The following ARHGAP42 variants were observed in gnomAD, a reference collection of about 807,000 sequenced individuals.
ARHGAP42 encodes Rho GTPase activating protein 42, also known as rho GTPase-activating protein 42.
ARHGAP42 carries 63 observed loss-of-function variants against 125.0 expected under a neutral mutation model. The observed-to-expected ratio is 0.50, with a 90% CI of 0.41 to 0.62. ARHGAP42 has a LOEUF of 0.62. Among genes scored for constraint, ARHGAP42 ranks in the 20% least tolerant of loss-of-function variants. ARHGAP42 has a pLI of 0.00. For missense variants in ARHGAP42, 766 were observed against 1,024.2 expected (o/e 0.75, Z 3.44); for synonymous variants, 339 against 351.0 (o/e 0.97, Z 0.38).
At chr11:100,978,893 T>C (rs1319627556) in intron 21 of ARHGAP42, 94 bp from the exon 22 acceptor site, 2 of 1,304,358 alleles carry the variant, frequency 1.5e-6, no homozygotes, top group African/African-American at 3.0e-5. Context: ...CTCAACCATT[T>C]TTTGTCTTGT....
chr11:100,810,854 C>T (rs753276187), intron 3 of ARHGAP42, among the ~76,000 whole-genome samples: 10 of 152,072 alleles, frequency 6.6e-5, no homozygotes, highest in Non-Finnish European at 1.2e-4. Flanking sequence ...CTCCTTGAGA[C>T]TTTGTTTTCT....
In ARHGAP42 at chr11:100,768,995, C is replaced by T. The variant is rs990253898; in HGVS notation, c.155-1348C>T. 3.9e-5 allele frequency among the ~76,000 whole-genome samples: 6 copies of T among 152,158 alleles called. 1 individual carries two copies. The highest frequency in any genetic ancestry group is 2.0e-4 in the Admixed American group (3 of 15,266). ...CAAGCCTAGATGGTATAGCCTACTA[C>T]ACACCTTGTCTGTATGGTCAAGTAG... On this transcript the variant is annotated intron_variant, in intron 1 of 23. Transcript: ENST00000298815.
At chr11:100,825,927 T>A (rs1458751229) in intron 3 of ARHGAP42, among the ~76,000 whole-genome samples, 4 of 152,194 alleles carry the variant, frequency 2.6e-5, no homozygotes, top group Non-Finnish European at 5.9e-5. Flanking sequence ...AGGAAAACCA[T>A]GCAGTGGCTG....
intron 4 of ARHGAP42, among the ~76,000 whole-genome samples, chr11:100,900,812 AC>A (rs1434821306): frequency 6.6e-6 from 1 of 151,320 alleles, no homozygotes; most frequent in Non-Finnish European, 1.5e-5. Context: ...CATTTGTCTA[AC>A]CCTTTTTCAA....
Position 100,976,186 on chromosome 11 carries a change from T to A in ARHGAP42, c.1985T>A (p.Ile662Asn), listed in dbSNP as rs1343807485. 1.9e-6 allele frequency: 3 copies of A among 1,551,528 alleles called. No individual in the cohort carries two copies. The highest frequency in any genetic ancestry group is 1.4e-5 in the African/African-American group (1 of 73,000). Residue 662 changes from isoleucine to asparagine, a missense_variant, in exon 20 of 24, where the codon ATT (isoleucine) becomes AAT (asparagine). Transcript: ENST00000298815. The stretch of plus-strand genomic sequence containing the variant: ...CAGCCCAGGGAGAAATCTGGAGGGA[T>A]TCCTTGGATTGCAACCCCATCATCT... ...SCQPREKSGG[I>N]PWIATPSSSN... is the part of the protein sequence containing the mutation.
intron 19 of ARHGAP42, 111 bp from the exon 20 acceptor site, chr11:100,975,946 G>A (rs776828477): frequency 8.9e-6 from 11 of 1,238,584 alleles, no homozygotes; most frequent in Non-Finnish European, 1.2e-5. Context: ...ACTTTAATGG[G>A]GTCAGGTGGC....
chr11:100,934,316 A>G (rs1002022270), intron 7 of ARHGAP42, among the ~76,000 whole-genome samples: 1 of 152,144 alleles, frequency 6.6e-6, no homozygotes. Flanking sequence ...GTGTTCACGC[A>G]TGTGTGTGAG....
In ARHGAP42 at chr11:100,744,538, C is replaced by CTGTG. The variant is rs34640167; in HGVS notation, c.155-25782_155-25779dup. On this transcript the variant is annotated intron_variant, in intron 1 of 23. Coordinates refer to ENST00000298815, the MANE Select transcript of ARHGAP42 (RefSeq NM_152432.4). ...TCTTGAATTTGTTTTATATTTTACT[C>CTGTG]TGTGTGTGTGTGTGTGTGTGTGTGT... Among the ~76,000 whole-genome samples the CTGTG allele has an allele frequency of 8.6e-3, 1,281 of 148,618 alleles. 19 individuals are homozygous for CTGTG. The highest frequency in any genetic ancestry group is 0.029 in the African/African-American group (1,170 of 40,418).
intron 1 of ARHGAP42, among the ~76,000 whole-genome samples, chr11:100,721,326 T>C (rs1380931921): frequency 6.6e-6 from 1 of 152,198 alleles, no homozygotes; most frequent in African/African-American, 2.4e-5. Context: ...TTAAACTGCT[T>C]CTATCGTTTT....
At chr11:100,700,786 A>G (rs1158886779) in intron 1 of ARHGAP42, among the ~76,000 whole-genome samples, 1 of 152,208 alleles carries the variant, frequency 6.6e-6, no homozygotes, top group African/African-American at 2.4e-5. Context: ...CCTTCAAGTC[A>G]TATATAAGGG....
chr11:100,980,559 C>CTTCTTTTTTTTTTTTTTTTTTTTTTTTT lies in ARHGAP42; in HGVS notation c.2456+1512_2456+1513insCTTTTTTTTTTTTTTTTTTTTTTTTTTT. Among the ~76,000 whole-genome samples, 59 of 51,950 alleles carry CTTCTTTTTTTTTTTTTTTTTTTTTTTTT rather than the reference C, an allele frequency of 1.1e-3. 12 individuals are homozygous for CTTCTTTTTTTTTTTTTTTTTTTTTTTTT. Among genetic ancestry groups the CTTCTTTTTTTTTTTTTTTTTTTTTTTTT allele is most frequent in the Non-Finnish European group, 1.6e-3 (41 of 26,022 alleles). 34.1% of individuals were successfully genotyped at this position (51,950 alleles called of 152,430 possible). A position where few individuals can be genotyped will look rare whatever the true frequency, so the allele number is the denominator to read the frequency against. ...TCAAATCATACTTCTTTTTCTTCTT[C>CTTCTTTTTTTTTTTTTTTTTTTTTTTTT]TTTTTTTTTTTTTTTTTTTTTTTTT... On this transcript the variant is annotated intron_variant, in intron 22 of 23. Transcript: ENST00000298815.
intron 3 of ARHGAP42, among the ~76,000 whole-genome samples, chr11:100,804,333 A>G (rs1426281471): frequency 6.6e-6 from 1 of 152,058 alleles, no homozygotes; most frequent in Non-Finnish European, 1.5e-5. Flanking sequence ...CCTGAAATGA[A>G]CTAGCTGTCT....
intron 4 of ARHGAP42, among the ~76,000 whole-genome samples, chr11:100,867,872 G>A (rs1047455387): frequency 3.3e-5 from 5 of 152,110 alleles, no homozygotes; most frequent in Admixed American, 6.6e-5. Context: ...GCCATTGTAC[G>A]GTTACTAATT....
At chr11:100,921,938 A>C (rs2135245034) in intron 6 of ARHGAP42, among the ~76,000 whole-genome samples, 1 of 151,348 alleles carries the variant, frequency 6.6e-6, no homozygotes, top group East Asian at 1.9e-4. Flanking sequence ...GTACCACAGA[A>C]ATGCAAGATG....
At chr11:100,766,824 A>G (rs901042123) in intron 1 of ARHGAP42, among the ~76,000 whole-genome samples, 2 of 152,206 alleles carry the variant, frequency 1.3e-5, no homozygotes, top group African/African-American at 4.8e-5. Flanking sequence ...GAAGTTGAAA[A>G]TGTGTCATAT....
At chr11:100,901,509 T>G (rs1351398289) in intron 4 of ARHGAP42, among the ~76,000 whole-genome samples, 1 of 152,226 alleles carries the variant, frequency 6.6e-6, no homozygotes, top group East Asian at 1.9e-4. Context: ...AGCTATGCCC[T>G]GCCCATAGAT....
chr11:100,839,206 G>A (rs1350914912), intron 3 of ARHGAP42, among the ~76,000 whole-genome samples: 1 of 152,092 alleles, frequency 6.6e-6, no homozygotes. Context: ...AATGATATTT[G>A]TGTTCCTAAG....
At chr11:100,981,652 A>G (rs1858549141) in intron 22 of ARHGAP42, among the ~76,000 whole-genome samples, 1 of 152,222 alleles carries the variant, frequency 6.6e-6, no homozygotes. Flanking sequence ...ATGATGCACC[A>G]GAACAGATCA....
intron 12 of ARHGAP42, among the ~76,000 whole-genome samples, chr11:100,953,822 T>C (rs1344809757): frequency 1.6e-4 from 2 of 12,652 alleles, no homozygotes; most frequent in African/African-American, 6.6e-4. Context: ...ATCCATGAAA[T>C]TGTAAGACTT....
Sources: gnomAD v4.1 joint callset for allele counts (sites outside exome capture counted in the v4.1 genomes callset) on GRCh38, gnomAD v4.1.1 for gene constraint, MANE v1.5 for transcripts, NCBI Gene and HGNC (gene_info 2026-07-23, HGNC 2026-07-21) for gene names.